The following SHB variants were observed in gnomAD, a reference collection of about 807,000 sequenced individuals.
The protein encoded by SHB is SH2 domain containing adaptor protein B.
Under a neutral mutation model 52.3 loss-of-function variants are expected in SHB, and 20 were observed. The observed-to-expected ratio is 0.38, with a 90% CI of 0.27 to 0.56. SHB has a LOEUF of 0.56. Among genes scored for constraint, SHB ranks in the 20% least tolerant of loss-of-function variants. The pLI is 0.71. For synonymous variants in SHB, 397 were observed against 316.5 expected (o/e 1.25, Z -2.70); for missense variants, 825 against 723.3 (o/e 1.14, Z -1.61).
At chr9:38,062,398 C>T (rs1821906551) in intron 1 of SHB, among the ~76,000 whole-genome samples, 1 of 152,170 alleles carries the variant, frequency 6.6e-6, no homozygotes, top group African/African-American at 2.4e-5. Flanking sequence ...CACTGCAGCT[C>T]CTCCTCTCTC....
At chr9:38,060,691 A>T (rs1821881418) in intron 1 of SHB, among the ~76,000 whole-genome samples, 1 of 152,150 alleles carries the variant, frequency 6.6e-6, no homozygotes, top group Non-Finnish European at 1.5e-5. Flanking sequence ...CCTTAATTCA[A>T]GTGATTGTAC....
chr9:37,942,390 A>T (rs997095506), intron 5 of SHB, among the ~76,000 whole-genome samples: 1 of 152,242 alleles, frequency 6.6e-6, no homozygotes, highest in Non-Finnish European at 1.5e-5. Context: ...TAGAACCCTT[A>T]AACTGGAAGC....
chr9:38,019,902 T>A (rs1302116104), intron 1 of SHB, among the ~76,000 whole-genome samples: 1 of 152,030 alleles, frequency 6.6e-6, no homozygotes. Flanking sequence ...AAAAAAAATT[T>A]AAAAAAAGCA....
At chr9:37,953,723 A>C (rs992298144) in intron 4 of SHB, among the ~76,000 whole-genome samples, 1 of 152,124 alleles carries the variant, frequency 6.6e-6, no homozygotes, top group African/African-American at 2.4e-5. Context: ...TCAGACTGGA[A>C]GGCGCCTCCT....
At chr9:38,008,351 G>A (rs1261407769) in intron 2 of SHB, among the ~76,000 whole-genome samples, 1 of 152,234 alleles carries the variant, frequency 6.6e-6, no homozygotes, top group Non-Finnish European at 1.5e-5. Flanking sequence ...GCACCACTGG[G>A]CTGGGTGTGT....
chr9:37,978,290 G>T (rs923033393), intron 2 of SHB, among the ~76,000 whole-genome samples: 1 of 152,234 alleles, frequency 6.6e-6, no homozygotes, highest in Admixed American at 6.5e-5. Context: ...AGAAGCATCT[G>T]CACCTTACCA....
intron 2 of SHB, among the ~76,000 whole-genome samples, chr9:37,989,618 C>T (rs1336166361): frequency 3.9e-5 from 6 of 152,176 alleles, no homozygotes; most frequent in South Asian, 2.1e-4. Context: ...AGTGGGGAAA[C>T]GGGAAACTCA....
At chr9:37,982,674 C>T (rs1040154014) in intron 2 of SHB, among the ~76,000 whole-genome samples, 6 of 152,054 alleles carry the variant, frequency 3.9e-5, no homozygotes, top group African/African-American at 1.4e-4. Flanking sequence ...TGGCACACGC[C>T]TGTAGTCCTA....
chr9:37,961,845 C>A (rs1168812427), intron 3 of SHB, among the ~76,000 whole-genome samples: 1 of 152,236 alleles, frequency 6.6e-6, no homozygotes, highest in Non-Finnish European at 1.5e-5. Context: ...AACACTGAGG[C>A]ATGTAGGTGT....
At chr9:37,989,818 A>G (rs1820859637) in intron 2 of SHB, among the ~76,000 whole-genome samples, 1 of 152,166 alleles carries the variant, frequency 6.6e-6, no homozygotes, top group Non-Finnish European at 1.5e-5. Flanking sequence ...GGAGTGGGGA[A>G]GGAAAAGGTG....
chr9:37,937,611 G>A (rs1203645077), intron 5 of SHB, among the ~76,000 whole-genome samples: 3 of 152,212 alleles, frequency 2.0e-5, no homozygotes, highest in Non-Finnish European at 4.4e-5. Context: ...TCCAACAGAG[G>A]GCAAGGGCGC....
At position 37,974,645 on chromosome 9, in the gene SHB, C is replaced by T. The variant is rs7872846; in HGVS notation, c.1031G>A (p.Arg344Gln). ...DEYDQPWEWN[R>Q]VTIPALAAQF... ...ACCTGCCAGGGCTGGGATGGTGACC[C>T]GGTTCCACTCCCAAGGCTGGTCGTA... is the stretch of plus-strand genomic sequence containing the variant. The change falls in exon 3 of 6, where the codon CGG becomes CAG. Residue 344 changes from arginine (R) to glutamine (Q), a missense_variant. Coordinates refer to ENST00000377707, the MANE Select transcript of SHB (RefSeq NM_003028.3). 92 of 1,613,194 alleles carry T rather than the reference C, an allele frequency of 5.7e-5. No individual in the cohort carries two copies. The highest frequency in any genetic ancestry group is 2.5e-4 in the African/African-American group (19 of 75,020).
Position 37,931,942 on chromosome 9 carries a change from C to A in SHB, c.1347-11938G>T, listed in dbSNP as rs182128705. Among the ~76,000 whole-genome samples the A allele has an allele frequency of 4.0e-3, 602 of 152,098 alleles. 2 individuals are homozygous for A. Among genetic ancestry groups the A allele is most frequent in the African/African-American group, 0.014 (588 of 41,464 alleles). On this transcript the variant is annotated intron_variant, in intron 5 of 5. Coordinates refer to ENST00000377707, the MANE Select transcript of SHB (RefSeq NM_003028.3). ...TTGTCATTCACCACACAGGAATAGGCCTGAAGGACATTAGGGGCAGTGAAA... is the reference window on the plus strand; with the variant it reads ...TTGTCATTCACCACACAGGAATAGGACTGAAGGACATTAGGGGCAGTGAAA...
intron 1 of SHB, among the ~76,000 whole-genome samples, chr9:38,047,453 C>G (rs966821171): frequency 1.3e-5 from 2 of 152,236 alleles, no homozygotes; most frequent in Non-Finnish European, 2.9e-5. Context: ...CAAGGCTTCA[C>G]TGAGCACCTG....
chr9:37,919,697 G>A lies in SHB; in HGVS notation c.*124C>T. The A allele has an allele frequency of 2.8e-6, 2 of 726,542 alleles. No individual in the cohort carries two copies. The highest frequency in any genetic ancestry group is 2.6e-5 in the East Asian group (1 of 38,686). 45.0% of individuals were successfully genotyped at this position (726,542 alleles called of 1,614,324 possible). ...CAGCATTCTAGAGACATGCAGTGGTGTGCTAGTACCATACACACAACACAA... is the reference window on the plus strand; with the variant it reads ...CAGCATTCTAGAGACATGCAGTGGTATGCTAGTACCATACACACAACACAA... On this transcript the variant is annotated 3_prime_UTR_variant, in exon 6 of 6. Coordinates refer to ENST00000377707, the MANE Select transcript of SHB (RefSeq NM_003028.3).
chr9:37,937,473 A>G lies in SHB; in HGVS notation c.1346+11162T>C, dbSNP rs754086408. On this transcript the variant is annotated intron_variant, in intron 5 of 5. Transcript: ENST00000377707. The stretch of plus-strand genomic sequence containing the variant: ...TAATCTTTAAAAAGATAAGAAAAAA[A>G]AAAAAAGCAAAGCATTATTAAAAGT... Among the ~76,000 whole-genome samples the G allele has an allele frequency of 9.3e-4, 142 of 152,300 alleles. 1 individual carries two copies. The highest frequency in any genetic ancestry group is 1.9e-3 in the Non-Finnish European group (127 of 68,028).
intron 1 of SHB, among the ~76,000 whole-genome samples, chr9:38,035,393 T>G (rs191396136): frequency 7.1e-4 from 108 of 151,992 alleles, no homozygotes; most frequent in African/African-American, 2.5e-3. Context: ...AGAAACTCTA[T>G]AGTCCTCCTG....
chr9:37,961,735 T>C (rs1475207656), intron 3 of SHB, among the ~76,000 whole-genome samples: 1 of 152,228 alleles, frequency 6.6e-6, no homozygotes. Flanking sequence ...GCTCCAACGT[T>C]ATCTCCTGGG....
At chr9:38,043,475 C>T (rs930419954) in intron 1 of SHB, among the ~76,000 whole-genome samples, 1 of 152,166 alleles carries the variant, frequency 6.6e-6, no homozygotes, top group Middle Eastern at 3.2e-3. Flanking sequence ...CTGGAAGCAC[C>T]GCTGTGAAGG....
Sources: allele counts gnomAD v4.1 joint callset (sites outside exome capture counted in the v4.1 genomes callset), GRCh38; gene constraint gnomAD v4.1.1; transcripts MANE v1.5; gene names NCBI Gene and HGNC (gene_info 2026-07-23, HGNC 2026-07-21).